LAMA2: variants seen among roughly 807,000 people sequenced by gnomAD.
LAMA2 encodes laminin subunit alpha-2.
Under a neutral mutation model 364.8 loss-of-function variants are expected in LAMA2, and 269 were observed. The ratio of observed to expected loss-of-function variants is 0.74; its 90% CI spans 0.67 to 0.82. The LOEUF is 0.82. Among genes scored for constraint, LAMA2 ranks in the 40% least tolerant of loss-of-function variants. The pLI is 0.00. For missense variants in LAMA2, 3,807 were observed against 3,873.2 expected (o/e 0.98, Z 0.45); for synonymous variants, 1,379 against 1,370.6 (o/e 1.01, Z -0.14).
At chr6:129,039,789 C>T (rs934920967) in intron 1 of LAMA2, among the ~76,000 whole-genome samples, 2 of 152,180 alleles carry the variant, frequency 1.3e-5, no homozygotes, top group Admixed American at 1.3e-4. Context: ...ATATGGTTCA[C>T]GTTCCTGTGA....
At position 129,401,226 on chromosome 6, in the gene LAMA2, AAAG is replaced by A. The variant is rs1225610123; in HGVS notation, c.5452_5454del (p.Lys1818del). On this transcript the variant is annotated inframe_deletion, in exon 38 of 65. Transcript: ENST00000421865. ...GTCTTGTTCATAATGGTCTACAGAA[AAAG>A]AAGGAGGCTGTTGAAAGCGGCAAAC... The A allele has an allele frequency of 8.2e-6, 13 of 1,575,844 alleles. No individual in the cohort carries two copies. The highest frequency in any genetic ancestry group is 7.8e-5 in the South Asian group (7 of 90,104).
intron 34 of LAMA2, among the ~76,000 whole-genome samples, chr6:129,371,557 T>C (rs1262063371): frequency 6.6e-6 from 1 of 151,992 alleles, no homozygotes; most frequent in Non-Finnish European, 1.5e-5. Context: ...CTTGCCCTCA[T>C]TGGCTTAGTA....
chr6:129,173,030 C>A (rs1418483258), intron 9 of LAMA2, among the ~76,000 whole-genome samples: 3 of 152,230 alleles, frequency 2.0e-5, no homozygotes, highest in African/African-American at 4.8e-5. Context: ...CCTGCTTCGG[C>A]TCGCGCAGGG....
intron 10 of LAMA2, among the ~76,000 whole-genome samples, chr6:129,187,340 A>C (rs1467533896): frequency 6.6e-6 from 1 of 151,838 alleles, no homozygotes; most frequent in Admixed American, 6.6e-5. Context: ...AAATGTGCAC[A>C]AAAGTCCCAG....
intron 1 of LAMA2, among the ~76,000 whole-genome samples, chr6:129,012,167 G>A (rs1784805452): frequency 6.6e-6 from 1 of 152,056 alleles, no homozygotes; most frequent in African/African-American, 2.4e-5. Flanking sequence ...CACCATGAGG[G>A]AATATGCTTC....
intron 12 of LAMA2, among the ~76,000 whole-genome samples, chr6:129,228,494 T>A (rs1280980480): frequency 6.6e-6 from 1 of 152,196 alleles, no homozygotes; most frequent in Non-Finnish European, 1.5e-5. Context: ...TGTAATATAT[T>A]GTTGAGAGTG....
intron 40 of LAMA2, among the ~76,000 whole-genome samples, chr6:129,424,866 A>G (rs1405842174): frequency 6.6e-6 from 1 of 151,004 alleles, no homozygotes; most frequent in African/African-American, 2.5e-5. Context: ...ATTTACTCCA[A>G]GATAAATGAT....
intron 12 of LAMA2, among the ~76,000 whole-genome samples, chr6:129,201,861 G>C (rs1357146584): frequency 6.6e-6 from 1 of 152,084 alleles, no homozygotes; most frequent in Non-Finnish European, 1.5e-5. Context: ...TTATTAAAAA[G>C]ACAGATAACT....
At chr6:129,052,433 C>T (rs1788138138) in intron 2 of LAMA2, among the ~76,000 whole-genome samples, 1 of 151,868 alleles carries the variant, frequency 6.6e-6, no homozygotes, top group East Asian at 1.9e-4. Context: ...CAGGCGTGAG[C>T]CACCGCGCCC....
intron 45 of LAMA2, among the ~76,000 whole-genome samples, chr6:129,450,484 G>A (rs9402133): frequency 0.15 from 22,681 of 151,284 alleles, 1,793 homozygotes; most frequent in East Asian, 0.21. Flanking sequence ...CACCATGGCC[G>A]GCTAATTTTT....
chr6:129,494,299 A>ATAGT (rs1308101535), intron 58 of LAMA2, among the ~76,000 whole-genome samples: 1 of 152,228 alleles, frequency 6.6e-6, no homozygotes, highest in Non-Finnish European at 1.5e-5. Flanking sequence ...TGCACTAGAA[A>ATAGT]TAGTTATTCA....
intron 1 of LAMA2, among the ~76,000 whole-genome samples, chr6:128,910,406 C>G (rs182120874): frequency 3.9e-5 from 6 of 152,264 alleles, no homozygotes; most frequent in Non-Finnish European, 5.9e-5. Flanking sequence ...ATTGCTGATA[C>G]CCTTTCTTCC....
chr6:129,119,541 A>G (rs1429326148), intron 4 of LAMA2, among the ~76,000 whole-genome samples: 2 of 151,356 alleles, frequency 1.3e-5, no homozygotes, highest in Non-Finnish European at 1.5e-5. Context: ...TTATTAATTA[A>G]TTAATTAATT....
chr6:129,204,839 T>C (rs1255324789), intron 12 of LAMA2, among the ~76,000 whole-genome samples: 1 of 152,008 alleles, frequency 6.6e-6, no homozygotes, highest in Non-Finnish European at 1.5e-5. Flanking sequence ...GTTAAAGAAA[T>C]TGATAACAGA....
At chr6:129,316,325 G>A (rs752398671) in intron 27 of LAMA2, among the ~76,000 whole-genome samples, 154 bp downstream of exon 27, 2 of 151,988 alleles carry the variant, frequency 1.3e-5, no homozygotes, top group Non-Finnish European at 2.9e-5. Context: ...TGACCTGGAA[G>A]AAGCTACTAC....
chr6:129,404,203 G>T (rs1438187220), intron 40 of LAMA2, among the ~76,000 whole-genome samples: 1 of 151,980 alleles, frequency 6.6e-6, no homozygotes, highest in Non-Finnish European at 1.5e-5. Context: ...GCAAGTTTGT[G>T]CTACCAACTC....
chr6:129,082,018 T>G (rs1470712206), intron 3 of LAMA2, among the ~76,000 whole-genome samples: 1 of 152,106 alleles, frequency 6.6e-6, no homozygotes, highest in Non-Finnish European at 1.5e-5. Flanking sequence ...AAAATATTCC[T>G]AAAAACATAT....
At chr6:129,257,196 C>A (rs1786754520) in intron 14 of LAMA2, among the ~76,000 whole-genome samples, 1 of 151,788 alleles carries the variant, frequency 6.6e-6, no homozygotes. Context: ...AAGAGAATGA[C>A]CATACTGAAG....
At chr6:129,268,733 A>G (rs1238349159) in intron 16 of LAMA2, among the ~76,000 whole-genome samples, 6 of 152,106 alleles carry the variant, frequency 3.9e-5, no homozygotes, top group Non-Finnish European at 7.4e-5. Context: ...TCTCCTTCAA[A>G]TAACAGAGCG....
Sources: gnomAD v4.1 joint callset for allele counts (sites outside exome capture counted in the v4.1 genomes callset) on GRCh38, gnomAD v4.1.1 for gene constraint, MANE v1.5 for transcripts, NCBI Gene and HGNC (gene_info 2026-07-23, HGNC 2026-07-21) for gene names.